Variants in STK11 observed in about 807,000 individuals in gnomAD.
The protein encoded by STK11 is serine/threonine-protein kinase STK11.
In STK11, 8 loss-of-function variants were observed where a neutral mutation model predicts 47.3. The ratio of observed to expected loss-of-function variants is 0.17; its 90% CI spans 0.10 to 0.31. STK11 has a LOEUF of 0.31. Ranked by LOEUF, STK11 falls within the 10% of genes least tolerant of loss-of-function variation. The pLI is 1.00. For synonymous variants in STK11, 330 were observed against 255.8 expected (o/e 1.29, Z -2.77); for missense variants, 475 against 605.0 (o/e 0.79, Z 2.25).
At chr19:1,207,246 A>C (rs1644017988) in intron 1 of STK11, 43 bp downstream of exon 1, 2 of 1,556,696 alleles carry the variant, frequency 1.3e-6, no homozygotes, top group Non-Finnish European at 1.7e-6. Flanking sequence ...CGGGCCAGTC[A>C]CGGTGCTGAT....
At chr19:1,224,267 G>A (rs2080806306) in intron 8 of STK11, 2 of 985,326 alleles carry the variant, frequency 2.0e-6, no homozygotes, top group African/African-American at 1.7e-5. Flanking sequence ...CAGCGTGTGT[G>A]GGGCCCCCAG....
At chr19:1,221,010 C>T (rs370338748) in intron 5 of STK11, among the ~76,000 whole-genome samples, 1 of 152,198 alleles carries the variant, frequency 6.6e-6, no homozygotes, top group African/African-American at 2.4e-5. Context: ...CAGGCCCCTT[C>T]CCCGGGTGGG....
rs2080839264 is a variant in STK11 at position 1,227,958 on chromosome 19, G to A, written c.*382G>A. The stretch of plus-strand genomic sequence containing the variant: ...GGCCCCGCCGCAGACCAGCTGGCGG[G>A]TGTGGAGACCAGGCTCCTGACCCCG... On this transcript the variant is annotated 3_prime_UTR_variant, in exon 10 of 10. Coordinates refer to ENST00000326873, the MANE Select transcript of STK11 (RefSeq NM_000455.5). The A allele has an allele frequency of 9.3e-7, 1 of 1,070,120 alleles. No individual in the cohort carries two copies. Among genetic ancestry groups the A allele is most frequent in the East Asian group, 4.8e-5 (1 of 20,730 alleles). The allele number at this position is 1,070,120 out of a possible 1,614,324, so 66.3% of individuals were successfully genotyped here.
intron 1 of STK11, among the ~76,000 whole-genome samples, chr19:1,213,448 C>A (rs1259053542): frequency 3.3e-5 from 5 of 152,240 alleles, no homozygotes; most frequent in Non-Finnish European, 5.9e-5. Context: ...CCTCCCCAGT[C>A]CCGGCACCCA....
chr19:1,218,574 C>A, intron 2 of STK11, 74 bp downstream of exon 2: 1 of 1,275,074 alleles, frequency 7.8e-7, no homozygotes, highest in Non-Finnish European at 1.1e-6. Flanking sequence ...TGCCTCGAGG[C>A]CTGCTCCTCT....
In STK11 at chr19:1,219,428, CA is replaced by C; in HGVS notation, c.464+16del. 6.4e-7 allele frequency: 1 copy of C among 1,553,968 alleles called. No homozygotes were observed. Among genetic ancestry groups the C allele is most frequent in the Non-Finnish European group, 8.7e-7 (1 of 1,151,038 alleles). ...CAGGCCCACGGGTGCGTGCGCGGGGCAGGGGCCAGGGTGGGGCGGGGGCCGG... is the reference window on the plus strand; with the variant it reads ...CAGGCCCACGGGTGCGTGCGCGGGGCGGGGCCAGGGTGGGGCGGGGGCCGG... On this transcript the variant is annotated intron_variant, in intron 3 of 9. Transcript: ENST00000326873.
At chr19:1,225,757 G>C (rs938678365) in intron 8 of STK11, 26 of 985,442 alleles carry the variant, frequency 2.6e-5, no homozygotes, top group Non-Finnish European at 3.1e-5. Flanking sequence ...GGGATGGCTC[G>C]GCAGCCAGTG....
At chr19:1,224,100 G>A (rs975408270) in intron 8 of STK11, 11 of 993,902 alleles carry the variant, frequency 1.1e-5, no homozygotes, top group Non-Finnish European at 1.3e-5. Context: ...GCACTCCTGG[G>A]CCCCTCATCA....
chr19:1,219,213 G>A (rs36028828), intron 2 of STK11, 111 bp from the exon 3 acceptor site: 12 of 1,303,032 alleles, frequency 9.2e-6, no homozygotes, highest in Non-Finnish European at 1.3e-5. Flanking sequence ...TGGTCCCGAG[G>A]AGGGGCAAGG....
In STK11 at chr19:1,206,173, C is replaced by G. The variant is rs1217599694; in HGVS notation, c.-741C>G. ...GGGCCCCGGCGACCACCTTGGGGGT[C>G]GCGGGCCGGCTCGGGGGGCGCCCAG... On this transcript the variant is annotated 5_prime_UTR_variant, in exon 1 of 10. Transcript: ENST00000326873. 1 of 154,290 alleles carries G rather than the reference C, an allele frequency of 6.5e-6. No homozygotes were observed. Among genetic ancestry groups the G allele is most frequent in the Admixed American group, 6.6e-5 (1 of 15,074 alleles). 9.6% of individuals were successfully genotyped at this position (154,290 alleles called of 1,614,324 possible).
chr19:1,216,492 A>C (rs1242543318), intron 1 of STK11: 1 of 153,590 alleles, frequency 6.5e-6, no homozygotes, highest in African/African-American at 2.4e-5. Context: ...GTCAGGAGAA[A>C]TCGCTTGAAC....
At position 1,223,632 on chromosome 19, in the gene STK11, C is replaced by T. The variant is rs1039238860; in HGVS notation, c.1108+460C>T. ...GGCCCTGATGCCGGCCGCCCTTCTT[C>T]CCTAGGTGGCGAGGAGGCGTCTGAG... is the stretch of plus-strand genomic sequence containing the variant. On this transcript the variant is annotated intron_variant, in intron 8 of 9. Coordinates refer to ENST00000326873, the MANE Select transcript of STK11 (RefSeq NM_000455.5). 1.1e-5 allele frequency: 12 copies of T among 1,067,836 alleles called. No individual in the cohort carries two copies. The highest frequency in any genetic ancestry group is 1.1e-5 in the Non-Finnish European group (10 of 879,334). The allele number at this position is 1,067,836 out of a possible 1,614,324, so 66.1% of individuals were successfully genotyped here. A position where few individuals can be genotyped will look rare whatever the true frequency, so the allele number is the denominator to read the frequency against.
At chr19:1,210,833 G>C (rs2145411200) in intron 1 of STK11, among the ~76,000 whole-genome samples, 1 of 150,824 alleles carries the variant, frequency 6.6e-6, no homozygotes, top group South Asian at 2.1e-4. Flanking sequence ...TTGCACTCCA[G>C]CCTGGGTAAC....
intron 1 of STK11, among the ~76,000 whole-genome samples, chr19:1,213,254 C>T (rs1238756609): frequency 6.6e-6 from 1 of 152,106 alleles, no homozygotes; most frequent in Non-Finnish European, 1.5e-5. Flanking sequence ...GCCTCGGCCT[C>T]CCAAAGTGCT....
In STK11 at chr19:1,219,440, T is replaced by TGGGGCGG. The variant is rs777847857; in HGVS notation, c.464+31_464+37dup. 10 of 890,554 alleles carry TGGGGCGG rather than the reference T, an allele frequency of 1.1e-5. 1 individual carries two copies. The South Asian group carries it at 1.3e-4, about 12-fold the overall frequency. The allele number at this position is 890,554 out of a possible 1,614,324, so 55.2% of individuals were successfully genotyped here. A position where few individuals can be genotyped will look rare whatever the true frequency, so the allele number is the denominator to read the frequency against. ...TGCGTGCGCGGGGCAGGGGCCAGGGTGGGGCGGGGGCCGGGGGCCAGGCAG... is the reference window on the plus strand; with the variant it reads ...TGCGTGCGCGGGGCAGGGGCCAGGGTGGGGCGGGGGGCGGGGGCCGGGGGCCAGGCAG... On this transcript the variant is annotated intron_variant, in intron 3 of 9. Transcript: ENST00000326873.
intron 8 of STK11, chr19:1,225,024 T>C (rs2080811051): frequency 1.0e-6 from 1 of 980,786 alleles, no homozygotes; most frequent in African/African-American, 1.8e-5. Flanking sequence ...GCCTCCACTT[T>C]GGCCTCACGT....
intron 1 of STK11, among the ~76,000 whole-genome samples, chr19:1,208,021 G>A (rs533693133): frequency 6.6e-6 from 1 of 152,344 alleles, no homozygotes; most frequent in Admixed American, 6.5e-5. Context: ...CAGACACGCT[G>A]CACCTGCCGC....
intron 1 of STK11, among the ~76,000 whole-genome samples, chr19:1,213,861 G>T (rs1179945754): frequency 6.6e-6 from 1 of 152,236 alleles, no homozygotes; most frequent in Non-Finnish European, 1.5e-5. Context: ...TCCCAGTCCT[G>T]CTCTGAGCCG....
Position 1,218,400 on chromosome 19 carries a change from T to C in STK11, c.291-17T>C, listed in dbSNP as rs367843248. 5 of 1,610,420 alleles carry C rather than the reference T, an allele frequency of 3.1e-6. No homozygotes were observed. Among genetic ancestry groups the C allele is most frequent in the Admixed American group, 1.7e-5 (1 of 60,008 alleles). On this transcript the variant is annotated splice_polypyrimidine_tract_variant and intron_variant, in intron 1 of 9. Transcript: ENST00000326873. ...GACGTTGGGTCGGCTGATACACCCC[T>C]GTCCTCTCTGTCCCAGGGAAATTCA...
Sources: gnomAD v4.1 joint callset for allele counts (sites outside exome capture counted in the v4.1 genomes callset) on GRCh38, gnomAD v4.1.1 for gene constraint, MANE v1.5 for transcripts, NCBI Gene and HGNC (gene_info 2026-07-23, HGNC 2026-07-21) for gene names.